The following FIG4 variants were observed in gnomAD, a reference collection of about 807,000 sequenced individuals.
The protein encoded by FIG4 is FIG4 phosphoinositide 5-phosphatase.
FIG4 carries 112 observed loss-of-function variants against 118.6 expected under a neutral mutation model. The observed-to-expected ratio is 0.94, with a 90% confidence interval of 0.81 to 1.11. The LOEUF (loss-of-function observed/expected upper bound fraction) is 1.11, where lower values mean the gene tolerates loss of function less well. Among genes scored for constraint, FIG4 ranks in the 50% least tolerant of loss-of-function variants. The pLI is 0.00. For synonymous variants in FIG4, 369 were observed against 381.2 expected, an observed-to-expected ratio of 0.97 and a Z score of 0.37; for missense variants, 969 against 1,111.7, an observed-to-expected ratio of 0.87 and a Z score of 1.83.
intron 10 of FIG4, among the ~76,000 whole-genome samples, chr6:109,752,474 A>C (rs1273686106): frequency 6.6e-6 from 1 of 151,684 alleles, no homozygotes; most frequent in Non-Finnish European, 1.5e-5. Context: ...AAGTGTTCCT[A>C]TTTCTCCACA....
At chr6:109,753,811 GTTGC>G (rs1776791011) in intron 10 of FIG4, among the ~76,000 whole-genome samples, 1 of 152,214 alleles carries the variant, frequency 6.6e-6, no homozygotes, top group Non-Finnish European at 1.5e-5. Flanking sequence ...CTTTGCTGAA[GTTGC>G]TTATCAGCTT....
In FIG4 at chr6:109,774,344, T is replaced by C. The variant is rs552444768; in HGVS notation, c.1751-2578T>C. ...TATAACATGATTTTTAGTAGCCCTA[T>C]GGTACTCTATCTTTGAGAAGCATCA... On this transcript the variant is annotated intron_variant, in intron 15 of 22. Coordinates refer to ENST00000230124, the MANE Select transcript of FIG4 (RefSeq NM_014845.6). Among the ~76,000 whole-genome samples, 382 of 152,308 alleles carry C rather than the reference T, an allele frequency of 2.5e-3. 1 individual carries two copies. Among genetic ancestry groups the C allele is most frequent in the Admixed American group, 6.0e-3 (92 of 15,294 alleles).
At chr6:109,734,359 C>T (rs971335461) in intron 5 of FIG4, among the ~76,000 whole-genome samples, 4 of 150,948 alleles carry the variant, frequency 2.6e-5, no homozygotes, top group East Asian at 3.9e-4. Flanking sequence ...TATATATACA[C>T]ACACACACTA....
intron 10 of FIG4, among the ~76,000 whole-genome samples, chr6:109,755,575 T>C (rs1776863270): frequency 6.6e-6 from 1 of 152,138 alleles, no homozygotes; most frequent in Non-Finnish European, 1.5e-5. Context: ...GGAGTCAAAG[T>C]CTCTTTGTAG....
At chr6:109,801,474 G>T (rs973564861) in intron 22 of FIG4, among the ~76,000 whole-genome samples, 1 of 152,182 alleles carries the variant, frequency 6.6e-6, no homozygotes, top group Non-Finnish European at 1.5e-5. Context: ...CCTGAACCCA[G>T]GAGGTGGAGG....
intron 10 of FIG4, among the ~76,000 whole-genome samples, chr6:109,754,672 G>T (rs9481002): frequency 1.3e-5 from 2 of 151,706 alleles, no homozygotes; most frequent in Non-Finnish European, 2.9e-5. Context: ...GTCTTGGGAG[G>T]GTGTATGTGT....
Position 109,735,179 on chromosome 6 carries a change from A to G in FIG4, c.527A>G (p.Gln176Arg), listed in dbSNP as rs1776123608. Residue 176 changes from glutamine to arginine, a missense_variant, in exon 6 of 23, where the codon CAA becomes CGA. Gln to Arg is a conservative substitution (Grantham distance 43, BLOSUM62 1). Transcript: ENST00000230124. ...SYSYDLSHSL[Q>R]YNLTVLRMPL... ...AGCTATGATTTGTCCCACTCACTTC[A>G]ATATAATCTCACTGTCTTGCGAATG... is the stretch of plus-strand genomic sequence containing the variant. 2.5e-6 allele frequency: 4 copies of G among 1,613,046 alleles called. No individual in the cohort carries two copies. Among genetic ancestry groups the G allele is most frequent in the Non-Finnish European group, 3.4e-6 (4 of 1,179,180 alleles).
intron 22 of FIG4, among the ~76,000 whole-genome samples, chr6:109,810,509 A>G (rs1778690473): frequency 6.6e-6 from 1 of 152,134 alleles, no homozygotes; most frequent in African/African-American, 2.4e-5. Context: ...TCCTTCATTC[A>G]ATAATAATTG....
rs534739936 is a variant in FIG4, at chr6:109,743,414, G to A, written c.1039+142G>A. 115 of 771,768 alleles carry A rather than the reference G, an allele frequency of 1.5e-4. 2 individuals carry two copies. The highest frequency in any genetic ancestry group is 1.1e-3 in the Admixed American group (47 of 42,034). 47.8% of individuals were successfully genotyped at this position (771,768 alleles called of 1,614,324 possible). On this transcript the variant is annotated intron_variant, in intron 9 of 22. Transcript: ENST00000230124. ...TAGATAATTTAGAAGAGGAATTTCC[G>A]TTATTCTTATGTAATAAATTTATGT... is the stretch of plus-strand genomic sequence containing the variant.
intron 1 of FIG4, among the ~76,000 whole-genome samples, chr6:109,695,399 A>C (rs1283310032): frequency 6.6e-6 from 1 of 152,214 alleles, no homozygotes; most frequent in Non-Finnish European, 1.5e-5. Context: ...ACTCTTGCAG[A>C]ATTCCCATGT....
chr6:109,765,968 A>G (rs1777268002), intron 14 of FIG4, among the ~76,000 whole-genome samples: 1 of 152,214 alleles, frequency 6.6e-6, no homozygotes, highest in Non-Finnish European at 1.5e-5. Flanking sequence ...AAAAGTACAT[A>G]TCTAAGAAAG....
intron 7 of FIG4, among the ~76,000 whole-genome samples, chr6:109,739,416 T>C (rs920789971): frequency 3.3e-5 from 5 of 152,158 alleles, no homozygotes; most frequent in African/African-American, 1.2e-4. Context: ...GCATTCAGCA[T>C]GTTTTCTAGT....
chr6:109,748,813 C>T (rs188094141), intron 10 of FIG4, among the ~76,000 whole-genome samples: 4 of 152,184 alleles, frequency 2.6e-5, no homozygotes, highest in Admixed American at 6.6e-5. Flanking sequence ...AAAATCATCA[C>T]CTCTCGTGAG....
intron 7 of FIG4, among the ~76,000 whole-genome samples, chr6:109,739,511 G>C (rs901542120): frequency 2.0e-5 from 3 of 151,996 alleles, no homozygotes; most frequent in Admixed American, 6.6e-5. Flanking sequence ...ATTTTTCTTA[G>C]TTTTATTCTC....
intron 1 of FIG4, among the ~76,000 whole-genome samples, chr6:109,693,276 T>C (rs1230842029): frequency 6.6e-6 from 1 of 152,206 alleles, no homozygotes; most frequent in Non-Finnish European, 1.5e-5. Context: ...GCAGTAAAAC[T>C]GTATTGCTTT....
At chr6:109,754,535 C>T (rs1382465835) in intron 10 of FIG4, among the ~76,000 whole-genome samples, 4 of 152,148 alleles carry the variant, frequency 2.6e-5, no homozygotes, top group African/African-American at 9.7e-5. Flanking sequence ...CTCCTTGTAC[C>T]TCTGGTAGAA....
At chr6:109,788,856 T>C (rs572429519) in intron 18 of FIG4, among the ~76,000 whole-genome samples, 18 of 152,360 alleles carry the variant, frequency 1.2e-4, no homozygotes, top group African/African-American at 4.3e-4. Flanking sequence ...TCAGAAATCC[T>C]GGAACTGTTG....
intron 15 of FIG4, among the ~76,000 whole-genome samples, chr6:109,772,036 A>G (rs567137197): frequency 5.6e-4 from 85 of 152,052 alleles, no homozygotes; most frequent in Non-Finnish European, 1.1e-3. Context: ...TGTTCTCTCT[A>G]CCTGCTCCAC....
At chr6:109,752,703 A>G (rs1344717947) in intron 10 of FIG4, among the ~76,000 whole-genome samples, 1 of 151,896 alleles carries the variant, frequency 6.6e-6, no homozygotes, top group African/African-American at 2.4e-5. Flanking sequence ...TTTTTCTTGT[A>G]AATTTGTTTG....
Sources: allele counts gnomAD v4.1 joint callset (sites outside exome capture counted in the v4.1 genomes callset), GRCh38; gene constraint gnomAD v4.1.1; transcripts MANE v1.5; gene names NCBI Gene and HGNC (gene_info 2026-07-23, HGNC 2026-07-21).